The following HTR2C variants were observed in gnomAD, a reference collection of about 807,000 sequenced individuals.
The protein encoded by HTR2C is 5-hydroxytryptamine receptor 2C.
Under a neutral mutation model 21.0 loss-of-function variants are expected in HTR2C, and 5 were observed. That is an observed-to-expected ratio of 0.24 (90% CI 0.12 to 0.50). The LOEUF is 0.50. HTR2C is among the 20% of genes least tolerant of loss of function. HTR2C has a pLI of 0.98. For missense variants in HTR2C, 271 were observed against 371.2 expected, an observed-to-expected ratio of 0.73 and a Z score of 2.22; for synonymous variants, 150 against 145.3, an observed-to-expected ratio of 1.03 and a Z score of -0.23.
At chrX:114,644,354 AATAAATAAATATATATAT>A (rs1375020807) in intron 2 of HTR2C, among the ~76,000 whole-genome samples, 9 of 18,652 alleles carry the variant, frequency 4.8e-4, no homozygotes, top group African/African-American at 1.4e-3. Flanking sequence ...AAAATAAATA[AATAAATAAATATATATAT>A]ATATATATAT....
At chrX:114,754,916 T>TA (rs2069796188) in intron 4 of HTR2C, among the ~76,000 whole-genome samples, 1 of 111,784 alleles carries the variant, frequency 8.9e-6, no homozygotes, top group Non-Finnish European at 1.9e-5. Context: ...ATGTCTGCTG[T>TA]AAAAAAATTC....
intron 5 of HTR2C, among the ~76,000 whole-genome samples, chrX:114,869,412 G>A (rs150120878): frequency 0.036 from 4,028 of 111,425 alleles, 187 homozygotes; most frequent in African/African-American, 0.13. Context: ...TTGAGGAATC[G>A]CCTATGTGTG....
Position 114,584,575 on chromosome X carries a change from C to T in HTR2C, c.-231C>T, listed in dbSNP as rs1329766088. The T allele has an allele frequency of 8.8e-6, 1 of 113,014 alleles. No homozygotes were observed. Among genetic ancestry groups the T allele is most frequent in the African/African-American group, 3.2e-5 (1 of 31,145 alleles). The allele number at this position is 113,014 out of a possible 1,213,427, so 9.3% of individuals were successfully genotyped here. A position where few individuals can be genotyped will look rare whatever the true frequency, so the allele number is the denominator to read the frequency against. ...CTCAGCGCACCGACTGCCGCGGGCTCCGCTGGGCGATTGCAGCCGAGTCCG... is the reference window on the plus strand; with the variant it reads ...CTCAGCGCACCGACTGCCGCGGGCTTCGCTGGGCGATTGCAGCCGAGTCCG... On this transcript the variant is annotated 5_prime_UTR_variant, in exon 1 of 6. Transcript: ENST00000276198.
chrX:114,763,734 A>G (rs1294384184), intron 4 of HTR2C, among the ~76,000 whole-genome samples: 1 of 108,947 alleles, frequency 9.2e-6, no homozygotes, highest in African/African-American at 3.3e-5. Flanking sequence ...TTTTCTTTTT[A>G]ATGGATAGAT....
intron 2 of HTR2C, among the ~76,000 whole-genome samples, chrX:114,672,208 T>G (rs1480457231): frequency 8.9e-5 from 10 of 111,781 alleles, no homozygotes; most frequent in African/African-American, 2.9e-4. Context: ...TAATCATATT[T>G]TAACCTCATC....
chrX:114,900,004 T>G (rs1418229192), intron 5 of HTR2C, among the ~76,000 whole-genome samples: 1 of 111,756 alleles, frequency 8.9e-6, no homozygotes, highest in African/African-American at 3.3e-5. Flanking sequence ...TAAAGATGAT[T>G]TTATCTTCTG....
At chrX:114,834,852 C>T (rs2070765646) in intron 4 of HTR2C, among the ~76,000 whole-genome samples, 1 of 109,028 alleles carries the variant, frequency 9.2e-6, no homozygotes, top group Non-Finnish European at 1.9e-5. Context: ...ACCAGTTGTT[C>T]CTTTCCATGT....
chrX:114,706,988 A>T (rs1003217367), intron 2 of HTR2C, among the ~76,000 whole-genome samples: 2 of 111,432 alleles, frequency 1.8e-5, no homozygotes, highest in African/African-American at 6.5e-5. Flanking sequence ...AGGTTTGTCC[A>T]GATTTTTTCC....
chrX:114,723,952 G>T (rs1313428824), intron 2 of HTR2C, among the ~76,000 whole-genome samples: 3 of 96,798 alleles, frequency 3.1e-5, no homozygotes, highest in African/African-American at 1.1e-4. Flanking sequence ...GGTCAATTTT[G>T]GAATAGGTGT....
At chrX:114,793,879 G>A (rs1556444380) in intron 4 of HTR2C, among the ~76,000 whole-genome samples, 5 of 110,333 alleles carry the variant, frequency 4.5e-5, no homozygotes, top group Non-Finnish European at 9.5e-5. Context: ...TGGGAGAAGA[G>A]AGACAATAAA....
chrX:114,909,846 A>G lies in HTR2C; in HGVS notation c.*2431A>G, dbSNP rs1243982252. The G allele has an allele frequency of 8.9e-6, 1 of 112,564 alleles. No individual in the cohort carries two copies. The highest frequency in any genetic ancestry group is 3.2e-5 in the African/African-American group (1 of 30,943). 9.3% of individuals were successfully genotyped at this position (112,564 alleles called of 1,213,427 possible). On this transcript the variant is annotated 3_prime_UTR_variant, in exon 6 of 6. Coordinates refer to ENST00000276198, the MANE Select transcript of HTR2C (RefSeq NM_000868.4). ...TAATTGTAAAGGTGATGAATTTACCATCAAACAAATCATTTTGATGTATTA... is the reference window on the plus strand; with the variant it reads ...TAATTGTAAAGGTGATGAATTTACCGTCAAACAAATCATTTTGATGTATTA...
intron 4 of HTR2C, among the ~76,000 whole-genome samples, chrX:114,814,838 AATAT>A (rs2070567557): frequency 9.9e-6 from 1 of 101,330 alleles, no homozygotes; most frequent in African/African-American, 3.5e-5. Flanking sequence ...TATACTATAG[AATAT>A]ATATTATAAT....
At position 114,877,750 on chromosome X, in the gene HTR2C, T is replaced by C. The variant is rs782217938; in HGVS notation, c.551-28839T>C. On this transcript the variant is annotated intron_variant, in intron 5 of 5. Transcript: ENST00000276198. ...GGGAGTGTGTGGTTTAATTTCTATA[T>C]ATTTGTAAATTTTTAAATTTTCCTC... is the stretch of plus-strand genomic sequence containing the variant. Among the ~76,000 whole-genome samples the C allele has an allele frequency of 8.1e-5, 9 of 110,673 alleles. No homozygotes were observed. The South Asian group carries it at 2.6e-3, about 32-fold the overall frequency.
At chrX:114,800,974 G>C (rs1415455742) in intron 4 of HTR2C, among the ~76,000 whole-genome samples, 1 of 111,362 alleles carries the variant, frequency 9.0e-6, no homozygotes, top group Non-Finnish European at 1.9e-5. Context: ...CTATGAAGCA[G>C]TAGGGAATAT....
chrX:114,834,405 T>C (rs2070760402), intron 4 of HTR2C, among the ~76,000 whole-genome samples: 1 of 107,253 alleles, frequency 9.3e-6, no homozygotes, highest in South Asian at 4.3e-4. Context: ...TGCATATATA[T>C]TTAGGATAGT....
chrX:114,702,892 G>A (rs1281675126), intron 2 of HTR2C, among the ~76,000 whole-genome samples: 2 of 105,432 alleles, frequency 1.9e-5, no homozygotes, highest in African/African-American at 3.4e-5. Flanking sequence ...GAAAACCAAA[G>A]AGGCAGGGGT....
intron 2 of HTR2C, among the ~76,000 whole-genome samples, chrX:114,626,077 C>T (rs1030321406): frequency 1.8e-5 from 2 of 110,875 alleles, no homozygotes; most frequent in Admixed American, 1.9e-4. Flanking sequence ...AAATGGATAA[C>T]CAAGGATATG....
At chrX:114,677,873 A>G (rs1931612490) in intron 2 of HTR2C, among the ~76,000 whole-genome samples, 1 of 111,374 alleles carries the variant, frequency 9.0e-6, no homozygotes, top group African/African-American at 3.3e-5. Context: ...TAATGTCACC[A>G]CTTTTCCCTT....
In HTR2C at chrX:114,758,733, A is replaced by C. The variant is rs190581023; in HGVS notation, c.349+27126A>C. ...ATTAACAAGCAAATCACCAATGGTG[A>C]AAAAAGAACACATTTAAATCAAAAT... On this transcript the variant is annotated intron_variant, in intron 4 of 5. Transcript: ENST00000276198. Among the ~76,000 whole-genome samples the C allele has an allele frequency of 7.1e-3, 802 of 112,196 alleles. 4 individuals are homozygous for C. Among genetic ancestry groups the C allele is most frequent in the Non-Finnish European group, 0.011 (574 of 53,238 alleles).
Sources: allele counts gnomAD v4.1 joint callset (sites outside exome capture counted in the v4.1 genomes callset), GRCh38; gene constraint gnomAD v4.1.1; transcripts MANE v1.5; gene names NCBI Gene and HGNC (gene_info 2026-07-23, HGNC 2026-07-21).